The following APLF variants were observed in gnomAD, a reference collection of about 807,000 sequenced individuals.
APLF encodes the protein aprataxin and PNK-like factor.
APLF carries 61 observed loss-of-function variants against 55.6 expected under a neutral mutation model. The ratio of observed to expected loss-of-function variants is 1.10; its 90% CI spans 0.89 to 1.36. The LOEUF is 1.36. Among genes scored for constraint, APLF ranks in the 40% most tolerant of loss-of-function variants. The probability of loss-of-function intolerance (pLI) is 0.00; values close to 1 mark genes in which losing one functional copy is unlikely to be tolerated. For synonymous variants in APLF, 207 were observed against 214.8 expected (o/e 0.96, Z 0.32); for missense variants, 611 against 602.5 (o/e 1.01, Z -0.15).
At chr2:68,562,776 C>G (rs575894739) in intron 8 of APLF, among the ~76,000 whole-genome samples, 14 of 152,102 alleles carry the variant, frequency 9.2e-5, no homozygotes, top group African/African-American at 3.1e-4. Flanking sequence ...ATAATTGGCA[C>G]TGAGATTATG....
chr2:68,572,094 A>T (rs532650545), intron 9 of APLF, among the ~76,000 whole-genome samples: 7,618 of 152,178 alleles, frequency 0.05, 519 homozygotes, highest in African/African-American at 0.15. Context: ...CAGAAAGAAA[A>T]CTATTAAGGA....
chr2:68,478,253 A>AT (rs1404130678), intron 1 of APLF, among the ~76,000 whole-genome samples: 2 of 152,214 alleles, frequency 1.3e-5, no homozygotes, highest in Admixed American at 1.3e-4. Context: ...GTTGCCTGCC[A>AT]TTTCAAAATA....
intron 5 of APLF, among the ~76,000 whole-genome samples, chr2:68,519,662 A>G (rs1423908701): frequency 1.3e-5 from 2 of 150,060 alleles, no homozygotes; most frequent in Non-Finnish European, 3.0e-5. Flanking sequence ...ACATGAAGTA[A>G]TATATATAAA....
At chr2:68,507,527 G>T (rs1270790687) in intron 3 of APLF, among the ~76,000 whole-genome samples, 1 of 151,800 alleles carries the variant, frequency 6.6e-6, no homozygotes, top group Admixed American at 6.6e-5. Context: ...AAATTATTCT[G>T]CCAGGAGTAC....
intron 6 of APLF, among the ~76,000 whole-genome samples, chr2:68,527,838 G>A (rs1333521883): frequency 3.4e-5 from 5 of 147,480 alleles, no homozygotes; most frequent in South Asian, 4.3e-4. Context: ...AGGCAGAGGC[G>A]CTCCTCACTT....
chr2:68,471,434 C>G (rs1468317677), intron 1 of APLF, among the ~76,000 whole-genome samples: 2 of 152,102 alleles, frequency 1.3e-5, no homozygotes, highest in African/African-American at 4.8e-5. Context: ...TCTTTGCTCT[C>G]AAGAAACTTA....
chr2:68,568,345 A>G, intron 9 of APLF: 2 of 978,060 alleles, frequency 2.0e-6, no homozygotes, highest in Non-Finnish European at 2.4e-6. Flanking sequence ...GCTGACTTGT[A>G]ATCAAGTAAG....
chr2:68,486,541 T>A (rs1676179895), intron 1 of APLF, among the ~76,000 whole-genome samples: 2 of 152,142 alleles, frequency 1.3e-5, no homozygotes, highest in Non-Finnish European at 2.9e-5. Context: ...CTCCTCTGTT[T>A]CTGTCATTTG....
intron 1 of APLF, among the ~76,000 whole-genome samples, chr2:68,469,622 A>G (rs1675556107): frequency 3.3e-5 from 5 of 152,194 alleles, no homozygotes. Flanking sequence ...AATTTGGAGA[A>G]CAAACAAATC....
In APLF at chr2:68,578,554, A is replaced by G. The variant is rs926977548; in HGVS notation, c.*532A>G. On this transcript the variant is annotated 3_prime_UTR_variant, in exon 10 of 10. Transcript: ENST00000303795. ...TTCACTTACTACTTTTATCCTTCAA[A>G]ACTTGGGAAGATTGGTTCCAAATGG... is the stretch of plus-strand genomic sequence containing the variant. 7.1e-6 allele frequency: 7 copies of G among 985,544 alleles called. No homozygotes were observed. Among genetic ancestry groups the G allele is most frequent in the African/African-American group, 3.5e-5 (2 of 57,222 alleles). 61.0% of individuals were successfully genotyped at this position (985,544 alleles called of 1,614,324 possible).
At chr2:68,539,147 T>C (rs1004794497) in intron 7 of APLF, among the ~76,000 whole-genome samples, 1 of 152,234 alleles carries the variant, frequency 6.6e-6, no homozygotes, top group African/African-American at 2.4e-5. Flanking sequence ...TTTATGCTTT[T>C]TGAAACATTT....
chr2:68,518,581 A>T (rs186558143), intron 5 of APLF, among the ~76,000 whole-genome samples: 2,306 of 88,704 alleles, frequency 0.026, 35 homozygotes, highest in Middle Eastern at 0.081. Context: ...TAATATATCA[A>T]TAATATATCA....
At chr2:68,563,340 A>G in intron 8 of APLF, 1 of 983,528 alleles carries the variant, frequency 1.0e-6, no homozygotes, top group Non-Finnish European at 1.2e-6. Context: ...GAATAATTAA[A>G]TGTAACACTT....
In APLF at chr2:68,528,756, G is replaced by A. The variant is rs1284340144; in HGVS notation, c.804+2514G>A. ...GGGCTGTGTGAACTGGCGACTCCATGGCCCTTGGAGTAGAAACTCACTGCA... is the reference window on the plus strand; with the variant it reads ...GGGCTGTGTGAACTGGCGACTCCATAGCCCTTGGAGTAGAAACTCACTGCA... On this transcript the variant is annotated intron_variant, in intron 6 of 9. Coordinates refer to ENST00000303795, the MANE Select transcript of APLF (RefSeq NM_173545.3). 3 of 1,487,232 alleles carry A rather than the reference G, an allele frequency of 2.0e-6. No homozygotes were observed. The African/African-American group carries it at 4.1e-5, about 21-fold the overall frequency. 92.1% of individuals were successfully genotyped at this position (1,487,232 alleles called of 1,614,324 possible).
At chr2:68,473,204 C>T (rs553163523) in intron 1 of APLF, among the ~76,000 whole-genome samples, 2 of 152,194 alleles carry the variant, frequency 1.3e-5, no homozygotes, top group Admixed American at 6.5e-5. Flanking sequence ...GGACCCCTGG[C>T]AACTACTGAA....
At chr2:68,574,882 A>C (rs954568464) in intron 9 of APLF, among the ~76,000 whole-genome samples, 1 of 152,308 alleles carries the variant, frequency 6.6e-6, no homozygotes, top group Middle Eastern at 3.4e-3. Flanking sequence ...TGTAAAACTA[A>C]AGATGTTCAG....
intron 7 of APLF, among the ~76,000 whole-genome samples, chr2:68,544,205 C>G (rs958799404): frequency 6.6e-6 from 1 of 152,100 alleles, no homozygotes; most frequent in African/African-American, 2.4e-5. Flanking sequence ...TCCTGAACTC[C>G]TGACTTCAAG....
At position 68,579,258 on chromosome 2, in the gene APLF, A is replaced by C; in HGVS notation, c.*1236A>C. On this transcript the variant is annotated 3_prime_UTR_variant, in exon 10 of 10. Transcript: ENST00000303795. ...TTAAACTGGAACAAGAATAAGATAA[A>C]CATTTCTCTAGACTATAACCTATTA... 1 of 827,740 alleles carries C rather than the reference A, an allele frequency of 1.2e-6. No individual in the cohort carries two copies. The highest frequency in any genetic ancestry group is 1.2e-4 in the East Asian group (1 of 8,066). The allele number at this position is 827,740 out of a possible 1,614,324, so 51.3% of individuals were successfully genotyped here. A position where few individuals can be genotyped will look rare whatever the true frequency, so the allele number is the denominator to read the frequency against.
At chr2:68,525,781 G>T (rs1299141296) in intron 5 of APLF, among the ~76,000 whole-genome samples, 1 of 106,238 alleles carries the variant, frequency 9.4e-6, no homozygotes, top group South Asian at 2.8e-4. Context: ...ACAGAGGCTC[G>T]CTCTGTCACC....
Sources: gnomAD v4.1 joint callset for allele counts (sites outside exome capture counted in the v4.1 genomes callset) on GRCh38, gnomAD v4.1.1 for gene constraint, MANE v1.5 for transcripts, NCBI Gene and HGNC (gene_info 2026-07-23, HGNC 2026-07-21) for gene names.